KIF16B: variants seen among roughly 807,000 people sequenced by gnomAD.
The protein encoded by KIF16B is kinesin-like protein KIF16B.
KIF16B carries 98 observed loss-of-function variants against 156.3 expected under a neutral mutation model. The observed-to-expected ratio is 0.63, with a 90% CI of 0.53 to 0.74. The LOEUF (loss-of-function observed/expected upper bound fraction) is 0.74. Ranked by LOEUF, KIF16B falls within the 30% of genes least tolerant of loss-of-function variation. The probability of loss-of-function intolerance (pLI) is 0.00; values close to 1 mark genes in which losing one functional copy is unlikely to be tolerated. For missense variants in KIF16B, 1,421 were observed against 1,606.5 expected (o/e 0.88, Z 1.97); for synonymous variants, 564 against 583.7 (o/e 0.97, Z 0.49).
At chr20:16,413,278 T>C (rs556958220) in intron 15 of KIF16B, among the ~76,000 whole-genome samples, 73 of 152,224 alleles carry the variant, frequency 4.8e-4, no homozygotes, top group Middle Eastern at 3.4e-3. Flanking sequence ...GGAGGGGACA[T>C]GACATTGTGA....
At chr20:16,568,539 T>C (rs886294044) in intron 1 of KIF16B, among the ~76,000 whole-genome samples, 1 of 152,112 alleles carries the variant, frequency 6.6e-6, no homozygotes. Flanking sequence ...ACTGCAGCTC[T>C]TTCGTGGATC....
At chr20:16,507,369 T>C (rs1165265419) in intron 7 of KIF16B, among the ~76,000 whole-genome samples, 1 of 152,186 alleles carries the variant, frequency 6.6e-6, no homozygotes, top group Non-Finnish European at 1.5e-5. Flanking sequence ...TAGCATATAC[T>C]TAGACCCTGA....
At chr20:16,469,392 G>A (rs539474743) in intron 12 of KIF16B, among the ~76,000 whole-genome samples, 20 of 151,558 alleles carry the variant, frequency 1.3e-4, no homozygotes, top group African/African-American at 4.8e-4. Context: ...ATAACATGTG[G>A]ATCAAAGAAG....
chr20:16,294,727 G>A (rs571252360), intron 25 of KIF16B, among the ~76,000 whole-genome samples: 1 of 152,308 alleles, frequency 6.6e-6, no homozygotes, highest in East Asian at 1.9e-4. Context: ...CCATGGCTAT[G>A]GCTAATATCA....
intron 12 of KIF16B, among the ~76,000 whole-genome samples, chr20:16,467,309 TCAC>T (rs2067519914): frequency 1.3e-5 from 2 of 152,106 alleles, no homozygotes; most frequent in African/African-American, 4.8e-5. Context: ...CCCCCACGCC[TCAC>T]CACCACCTCA....
chr20:16,340,427 T>C (rs2064120167), intron 23 of KIF16B, among the ~76,000 whole-genome samples: 2 of 152,238 alleles, frequency 1.3e-5, no homozygotes, highest in Non-Finnish European at 2.9e-5. Context: ...TCTTCCCCAC[T>C]AGAATGTAAG....
chr20:16,410,950 A>G (rs2065938602), intron 15 of KIF16B, among the ~76,000 whole-genome samples: 1 of 152,138 alleles, frequency 6.6e-6, no homozygotes, highest in South Asian at 2.1e-4. Context: ...TTTCTAGAGC[A>G]ATAATGCCAA....
intron 1 of KIF16B, among the ~76,000 whole-genome samples, chr20:16,541,998 A>G (rs2070222065): frequency 1.3e-5 from 2 of 152,222 alleles, no homozygotes; most frequent in African/African-American, 2.4e-5. Flanking sequence ...CTGGGTGGCA[A>G]GCACGGTGCC....
At chr20:16,378,566 T>G (rs1360018946) in intron 19 of KIF16B, among the ~76,000 whole-genome samples, 4 of 152,154 alleles carry the variant, frequency 2.6e-5, no homozygotes, top group Non-Finnish European at 5.9e-5. Context: ...TTGCTTTTGT[T>G]TGTGTGTTTT....
intron 23 of KIF16B, among the ~76,000 whole-genome samples, chr20:16,343,019 G>GTGC (rs2064167503): frequency 1.3e-5 from 2 of 152,196 alleles, no homozygotes; most frequent in Non-Finnish European, 2.9e-5. Flanking sequence ...ATGAAATGGG[G>GTGC]TGCTGATGCA....
chr20:16,390,119 A>G (rs1443763596), intron 17 of KIF16B, among the ~76,000 whole-genome samples: 1 of 152,216 alleles, frequency 6.6e-6, no homozygotes, highest in Admixed American at 6.5e-5. Flanking sequence ...TAAACGTCAG[A>G]GTTTATAACT....
chr20:16,455,585 G>A (rs1044372023), intron 12 of KIF16B, among the ~76,000 whole-genome samples: 1 of 152,050 alleles, frequency 6.6e-6, no homozygotes, highest in Admixed American at 6.6e-5. Flanking sequence ...CCAATAAATA[G>A]TTCATGGGCA....
intron 24 of KIF16B, among the ~76,000 whole-genome samples, chr20:16,314,342 A>G (rs1252070230): frequency 2.0e-5 from 3 of 152,194 alleles, no homozygotes; most frequent in Non-Finnish European, 4.4e-5. Flanking sequence ...ATGACTTTAT[A>G]GCCTGTCTTA....
At chr20:16,388,906 T>C (rs889147872) in intron 17 of KIF16B, among the ~76,000 whole-genome samples, 2 of 152,162 alleles carry the variant, frequency 1.3e-5, no homozygotes, top group African/African-American at 4.8e-5. Flanking sequence ...GTCGTTTCAG[T>C]TTCTAAACAG....
At chr20:16,367,649 C>T (rs1334715315) in intron 22 of KIF16B, 22 of 1,612,494 alleles carry the variant, frequency 1.4e-5, no homozygotes, top group Non-Finnish European at 1.9e-5. Flanking sequence ...TAAATCATGT[C>T]AACCAAGGTA....
intron 12 of KIF16B, among the ~76,000 whole-genome samples, chr20:16,438,867 T>G (rs887099612): frequency 6.6e-6 from 1 of 152,214 alleles, no homozygotes; most frequent in Non-Finnish European, 1.5e-5. Flanking sequence ...AGTTGATTAG[T>G]AATATGTAAT....
intron 1 of KIF16B, among the ~76,000 whole-genome samples, chr20:16,560,480 C>T (rs1158703641): frequency 2.6e-5 from 4 of 152,156 alleles, no homozygotes; most frequent in Non-Finnish European, 5.9e-5. Flanking sequence ...GAGCAGGCAT[C>T]CCATGGAGGG....
At chr20:16,390,741 G>A (rs1035242838) in intron 17 of KIF16B, among the ~76,000 whole-genome samples, 5 of 152,078 alleles carry the variant, frequency 3.3e-5, no homozygotes, top group African/African-American at 1.2e-4. Context: ...TCTTCCCATT[G>A]GACAAACCAG....
chr20:16,329,187 C>T (rs2063907143), intron 24 of KIF16B, among the ~76,000 whole-genome samples: 2 of 152,172 alleles, frequency 1.3e-5, no homozygotes, highest in Admixed American at 1.3e-4. Flanking sequence ...CTTCACTACT[C>T]ATGCTAATGG....
Sources: allele counts gnomAD v4.1 joint callset (sites outside exome capture counted in the v4.1 genomes callset), GRCh38; gene constraint gnomAD v4.1.1; transcripts MANE v1.5; gene names NCBI Gene and HGNC (gene_info 2026-07-23, HGNC 2026-07-21).